The following INPP4B variants were observed in gnomAD, a reference collection of about 807,000 sequenced individuals.
The protein encoded by INPP4B is inositol polyphosphate-4-phosphatase type II B.
INPP4B carries 55 observed loss-of-function variants against 122.5 expected under a neutral mutation model. The ratio of observed to expected loss-of-function variants is 0.45; its 90% CI spans 0.36 to 0.56. The LOEUF (loss-of-function observed/expected upper bound fraction) is 0.56. INPP4B is among the 20% of genes least tolerant of loss of function. INPP4B has a pLI of 0.00. For missense variants in INPP4B, 1,000 were observed against 1,097.7 expected (o/e 0.91, Z 1.26); for synonymous variants, 403 against 388.7 (o/e 1.04, Z -0.43).
In INPP4B at chr4:142,025,804, A is replaced by G. The variant is rs1736840507; in HGVS notation, c.*2978T>C. ...CTCTGCCCTGATTGGGCAGTTTGTC[A>G]TTTAGTACAATTTATCACTTGGAAC... On this transcript the variant is annotated 3_prime_UTR_variant, in exon 26 of 26. Coordinates refer to ENST00000262992, the MANE Select transcript of INPP4B (RefSeq NM_001101669.3). The G allele has an allele frequency of 6.6e-6, 1 of 152,142 alleles. No homozygotes were observed. The highest frequency in any genetic ancestry group is 2.4e-5 in the African/African-American group (1 of 41,440). 9.4% of individuals were successfully genotyped at this position (152,142 alleles called of 1,614,324 possible).
chr4:142,434,078 A>G (rs1041679923), intron 3 of INPP4B, among the ~76,000 whole-genome samples: 1 of 152,224 alleles, frequency 6.6e-6, no homozygotes, highest in African/African-American at 2.4e-5. Context: ...TCTTTACCTC[A>G]CAATCATCTA....
intron 2 of INPP4B, among the ~76,000 whole-genome samples, chr4:142,505,767 T>G (rs1823944931): frequency 6.6e-6 from 1 of 152,174 alleles, no homozygotes; most frequent in African/African-American, 2.4e-5. Context: ...TAAATCCTCC[T>G]TCTTAGGTTT....
At chr4:142,034,123 A>G (rs1226935841) in intron 25 of INPP4B, among the ~76,000 whole-genome samples, 1 of 152,234 alleles carries the variant, frequency 6.6e-6, no homozygotes, top group East Asian at 1.9e-4. Context: ...CTGCTTTAGC[A>G]TGAGACTCTC....
intron 2 of INPP4B, among the ~76,000 whole-genome samples, chr4:142,463,343 A>C (rs1817098014): frequency 6.6e-6 from 1 of 152,158 alleles, no homozygotes; most frequent in African/African-American, 2.4e-5. Context: ...GTGACATCTA[A>C]TAGAACTCTA....
chr4:142,233,186 G>C (rs1337240115), intron 12 of INPP4B, among the ~76,000 whole-genome samples: 3 of 150,296 alleles, frequency 2.0e-5, no homozygotes, highest in African/African-American at 7.4e-5. Flanking sequence ...GTATGCATGT[G>C]TGTGTGTCTG....
At chr4:142,329,813 C>T (rs1773794613) in intron 7 of INPP4B, among the ~76,000 whole-genome samples, 1 of 152,110 alleles carries the variant, frequency 6.6e-6, no homozygotes, top group Non-Finnish European at 1.5e-5. Context: ...GTCACAAGGA[C>T]ACTTGTGGAT....
At chr4:142,213,992 A>C (rs1484762792) in intron 12 of INPP4B, among the ~76,000 whole-genome samples, 1 of 152,238 alleles carries the variant, frequency 6.6e-6, no homozygotes, top group African/African-American at 2.4e-5. Flanking sequence ...ATGGTCATAC[A>C]TTGTGGATCT....
intron 21 of INPP4B, among the ~76,000 whole-genome samples, chr4:142,115,182 T>A (rs1310668383): frequency 6.6e-6 from 1 of 152,108 alleles, no homozygotes; most frequent in African/African-American, 2.4e-5. Context: ...AATCTACATC[T>A]GATTGGTTTA....
At chr4:142,275,130 T>TCTATTTTTAG (rs1747766231) in intron 9 of INPP4B, among the ~76,000 whole-genome samples, 2 of 151,760 alleles carry the variant, frequency 1.3e-5, no homozygotes, top group African/African-American at 4.8e-5. Flanking sequence ...TGGAACACAT[T>TCTATTTTTAG]AATATTTTTA....
intron 9 of INPP4B, among the ~76,000 whole-genome samples, chr4:142,279,553 T>A (rs2636649): frequency 0.63 from 72,143 of 114,340 alleles, 21,100 homozygotes; most frequent in East Asian, 0.75. Flanking sequence ...GGAAAAAAAA[T>A]AAACTCTGCT....
chr4:142,260,575 ATGTAAAAAAAAAAAAAAAAT>A lies in INPP4B; in HGVS notation c.616-31_616-12del. The A allele has an allele frequency of 6.6e-7, 1 of 1,506,868 alleles. No individual in the cohort carries two copies. Among genetic ancestry groups the A allele is most frequent in the South Asian group, 1.2e-5 (1 of 80,794 alleles). 93.3% of individuals were successfully genotyped at this position (1,506,868 alleles called of 1,614,324 possible). A position where few individuals can be genotyped will look rare whatever the true frequency, so the allele number is the denominator to read the frequency against. ...ACATACCAGGGCACACTAGGAAAAA[ATGTAAAAAAAAAAAAAAAAT>A]TTTGAGAACAATCAAAATAAGGAAT... On this transcript the variant is annotated splice_polypyrimidine_tract_variant and intron_variant, in intron 10 of 25. Coordinates refer to ENST00000262992, the MANE Select transcript of INPP4B (RefSeq NM_001101669.3).
At chr4:142,760,335 C>G (rs564558201) in intron 1 of INPP4B, among the ~76,000 whole-genome samples, 1 of 151,984 alleles carries the variant, frequency 6.6e-6, no homozygotes, top group African/African-American at 2.4e-5. Context: ...TTTTAACTAA[C>G]AAAAGAGATT....
chr4:142,626,892 T>C (rs1580543929), intron 2 of INPP4B, among the ~76,000 whole-genome samples: 1 of 152,020 alleles, frequency 6.6e-6, no homozygotes, highest in Admixed American at 6.6e-5. Flanking sequence ...CTGGTATATA[T>C]CACTATCCAA....
rs183953640 is a variant in INPP4B, at chr4:142,804,831, T to G, written c.-254+41378A>C. ...ACAGGTTTGTGCCACCACGTCCAGC[T>G]AATTTCTGTATTTTTTGTAGAGATG... On this transcript the variant is annotated intron_variant, in intron 1 of 25. Coordinates refer to ENST00000262992, the MANE Select transcript of INPP4B (RefSeq NM_001101669.3). Among the ~76,000 whole-genome samples the G allele has an allele frequency of 4.4e-4, 67 of 152,254 alleles. 1 individual carries two copies. In the East Asian group the frequency reaches 0.012, roughly 28 times the overall value.
rs151138368 is a variant in INPP4B, at chr4:142,685,793, T to C, written c.-191+40046A>G. 9.0e-3 allele frequency among the ~76,000 whole-genome samples: 1,371 copies of C among 152,204 alleles called. 13 individuals are homozygous for C. The highest frequency in any genetic ancestry group is 0.027 in the Middle Eastern group (8 of 294). On this transcript the variant is annotated intron_variant, in intron 2 of 25. Transcript: ENST00000262992. ...TTATTATTAAATAAATAGGTTTCTA[T>C]GTGTACATTTTTTCATAACATTTTT...
At chr4:142,551,283 C>T (rs1727923995) in intron 2 of INPP4B, among the ~76,000 whole-genome samples, 1 of 152,134 alleles carries the variant, frequency 6.6e-6, no homozygotes, top group Non-Finnish European at 1.5e-5. Context: ...GAAGCCTTTT[C>T]AAAGCTTCAG....
chr4:142,666,278 G>T (rs1235422366), intron 2 of INPP4B, among the ~76,000 whole-genome samples: 4 of 151,880 alleles, frequency 2.6e-5, no homozygotes, highest in African/African-American at 2.4e-5. Context: ...TGCAACAAGA[G>T]TAAAAATGTA....
intron 15 of INPP4B, among the ~76,000 whole-genome samples, chr4:142,176,146 T>TTATTATTA (rs1828117986): frequency 6.8e-6 from 1 of 147,508 alleles, no homozygotes; most frequent in African/African-American, 2.5e-5. Context: ...ATTATTATTA[T>TTATTATTA]TATTATTATA....
intron 25 of INPP4B, among the ~76,000 whole-genome samples, chr4:142,081,448 G>C (rs1773863071): frequency 6.6e-6 from 1 of 152,108 alleles, no homozygotes; most frequent in Admixed American, 6.6e-5. Flanking sequence ...CATTTTAAAT[G>C]TCGGCAGAGT....
Sources: allele counts gnomAD v4.1 joint callset (sites outside exome capture counted in the v4.1 genomes callset), GRCh38; gene constraint gnomAD v4.1.1; transcripts MANE v1.5; gene names NCBI Gene and HGNC (gene_info 2026-07-23, HGNC 2026-07-21).